THOC2: variants seen among roughly 807,000 people sequenced by gnomAD.
THOC2 encodes THO complex 2.
Under a neutral mutation model 128.4 loss-of-function variants are expected in THOC2, and 10 were observed. The observed-to-expected ratio is 0.08, with a 90% CI of 0.05 to 0.13. THOC2 has a LOEUF of 0.13. Among genes scored for constraint, THOC2 ranks in the 10% least tolerant of loss-of-function variants. The probability of loss-of-function intolerance (pLI) is 1.00; values close to 1 mark genes in which losing one functional copy is unlikely to be tolerated. For missense variants in THOC2, 535 were observed against 1,155.7 expected (o/e 0.46, Z 7.79); for synonymous variants, 393 against 396.9 (o/e 0.99, Z 0.12).
chrX:123,705,927 T>G (rs2147933581), intron 3 of THOC2, among the ~76,000 whole-genome samples: 1 of 111,389 alleles, frequency 9.0e-6, no homozygotes, highest in African/African-American at 3.2e-5. Flanking sequence ...AGACACAAGA[T>G]AATTTTATTT....
At chrX:123,648,949 C>T in intron 12 of THOC2, among the ~76,000 whole-genome samples, 1 of 112,241 alleles carries the variant, frequency 8.9e-6, no homozygotes, top group East Asian at 2.8e-4. Flanking sequence ...TCTCTCAGCA[C>T]AGTGCTCAAG....
intron 16 of THOC2, among the ~76,000 whole-genome samples, 160 bp from the exon 17 acceptor site, chrX:123,639,187 T>C (rs1041196411): frequency 1.5e-4 from 17 of 111,959 alleles, no homozygotes; most frequent in African/African-American, 3.9e-4. Context: ...TCTATATAAA[T>C]ATTTCATATT....
At position 123,644,956 on chromosome X, in the gene THOC2, T is replaced by C. The variant is rs767475267; in HGVS notation, c.1429-47A>G. 1.3e-5 allele frequency: 13 copies of C among 1,034,515 alleles called. No individual in the cohort carries two copies. In the South Asian group the frequency reaches 2.5e-4, roughly 20 times the overall value. 85.3% of individuals were successfully genotyped at this position (1,034,515 alleles called of 1,213,427 possible). A position where few individuals can be genotyped will look rare whatever the true frequency, so the allele number is the denominator to read the frequency against. On this transcript the variant is annotated intron_variant, in intron 13 of 38. Coordinates refer to ENST00000245838, the MANE Select transcript of THOC2 (RefSeq NM_001081550.2). Reference sequence around the variant, plus strand: ...TATTTCAGTAAGAGGTCTATATTAATATAACCAACAATAAATTTATAACAG... The same window carrying C: ...TATTTCAGTAAGAGGTCTATATTAACATAACCAACAATAAATTTATAACAG...
At chrX:123,674,477 C>T (rs755530582) in intron 8 of THOC2, among the ~76,000 whole-genome samples, 2 of 111,999 alleles carry the variant, frequency 1.8e-5, no homozygotes, top group South Asian at 7.4e-4. Context: ...GTTCCTTATA[C>T]ACAGTATGTA....
At chrX:123,623,572 T>C in intron 28 of THOC2, 1 of 763,020 alleles carries the variant, frequency 1.3e-6, no homozygotes, top group Non-Finnish European at 1.9e-6. Context: ...TCAAGAAATA[T>C]TATACATGAC....
At chrX:123,669,367 T>C (rs1236096508) in intron 9 of THOC2, among the ~76,000 whole-genome samples, 3 of 108,788 alleles carry the variant, frequency 2.8e-5, no homozygotes, top group Non-Finnish European at 5.7e-5. Context: ...TTGCCCAGGC[T>C]GGAGTGAAAT....
At chrX:123,710,851 G>A (rs1008066930) in intron 2 of THOC2, among the ~76,000 whole-genome samples, 6 of 105,477 alleles carry the variant, frequency 5.7e-5, no homozygotes, top group African/African-American at 1.0e-4. Context: ...TTCGCCGGGC[G>A]TGGTGGCGGG....
In THOC2 at chrX:123,712,919, A is replaced by G; in HGVS notation, c.72-11T>C. 9.0e-7 allele frequency: 1 copy of G among 1,117,100 alleles called. No individual in the cohort carries two copies. Among genetic ancestry groups the G allele is most frequent in the East Asian group, 3.0e-5 (1 of 32,925 alleles). The allele number at this position is 1,117,100 out of a possible 1,213,427, so 92.1% of individuals were successfully genotyped here. A position where few individuals can be genotyped will look rare whatever the true frequency, so the allele number is the denominator to read the frequency against. ...CGACATAAATGCAAACTAGAATAAA[A>G]TAGAAAACATGTATTTCAATTTCCA... is the stretch of plus-strand genomic sequence containing the variant. On this transcript the variant is annotated splice_polypyrimidine_tract_variant and intron_variant, in intron 1 of 38. Coordinates refer to ENST00000245838, the MANE Select transcript of THOC2 (RefSeq NM_001081550.2).
At chrX:123,657,136 T>C (rs1259925642) in intron 12 of THOC2, among the ~76,000 whole-genome samples, 1 of 111,577 alleles carries the variant, frequency 9.0e-6, no homozygotes, top group Non-Finnish European at 1.9e-5. Context: ...TATTGGGAGA[T>C]AACGCGGCTG....
At chrX:123,645,783 G>A (rs991785819) in intron 12 of THOC2, among the ~76,000 whole-genome samples, 29 of 112,055 alleles carry the variant, frequency 2.6e-4, no homozygotes, top group Non-Finnish European at 4.9e-4. Context: ...CCAACATGGC[G>A]AAACCCCGTC....
intron 7 of THOC2, among the ~76,000 whole-genome samples, 182 bp downstream of exon 7, chrX:123,695,839 A>G (rs2050426966): frequency 9.0e-6 from 1 of 111,187 alleles, no homozygotes; most frequent in Non-Finnish European, 1.9e-5. Flanking sequence ...TTTCTCACAA[A>G]TATCATGCTA....
At chrX:123,700,511 G>C (rs1157855840) in intron 4 of THOC2, among the ~76,000 whole-genome samples, 1 of 83,121 alleles carries the variant, frequency 1.2e-5, no homozygotes, top group East Asian at 4.8e-4. Flanking sequence ...TCGGGGCGGG[G>C]CTGGGGGCGG....
chrX:123,608,762 C>T (rs2046584196), intron 38 of THOC2, among the ~76,000 whole-genome samples: 1 of 112,110 alleles, frequency 8.9e-6, no homozygotes, highest in Non-Finnish European at 1.9e-5. Flanking sequence ...AAGAAACTAT[C>T]AACCAGAGTC....
chrX:123,692,564 C>T (rs1395772482), intron 7 of THOC2, among the ~76,000 whole-genome samples: 1 of 98,986 alleles, frequency 1.0e-5, no homozygotes, highest in Admixed American at 1.2e-4. Flanking sequence ...TGCAGTGGCA[C>T]GATCTCAGCT....
chrX:123,617,556 A>T (rs1285754884), intron 33 of THOC2, among the ~76,000 whole-genome samples: 1 of 111,434 alleles, frequency 9.0e-6, no homozygotes, highest in Non-Finnish European at 1.9e-5. Context: ...TGATACTAAC[A>T]AATTCTATGT....
intron 1 of THOC2, among the ~76,000 whole-genome samples, chrX:123,724,959 G>A (rs1005619061): frequency 9.1e-6 from 1 of 110,127 alleles, no homozygotes; most frequent in East Asian, 2.9e-4. Context: ...GCGCCTGTGG[G>A]CCCAGCTACT....
At chrX:123,665,896 CTA>C (rs2049030390) in intron 11 of THOC2, 59 bp from the exon 12 acceptor site, 10 of 611,529 alleles carry the variant, frequency 1.6e-5, no homozygotes, top group Non-Finnish European at 2.2e-5. Flanking sequence ...ATAAATATAA[CTA>C]TATACACACA....
chrX:123,728,297 G>C (rs893915243), intron 1 of THOC2, among the ~76,000 whole-genome samples: 5 of 109,329 alleles, frequency 4.6e-5, no homozygotes, highest in Non-Finnish European at 7.6e-5. Flanking sequence ...AAAAGCACAA[G>C]TATATTGACA....
At chrX:123,713,528 T>G (rs1478198476) in intron 1 of THOC2, among the ~76,000 whole-genome samples, 1 of 107,779 alleles carries the variant, frequency 9.3e-6, no homozygotes, top group Non-Finnish European at 1.9e-5. Context: ...TATGACACAT[T>G]ATGTGCCTCC....
Sources: gnomAD v4.1 joint callset for allele counts (sites outside exome capture counted in the v4.1 genomes callset) on GRCh38, gnomAD v4.1.1 for gene constraint, MANE v1.5 for transcripts, NCBI Gene and HGNC (gene_info 2026-07-23, HGNC 2026-07-21) for gene names.